Variants in POP1 observed in about 807,000 individuals in gnomAD.
POP1 encodes ribonucleases P/MRP protein subunit POP1.
Under a neutral mutation model 102.2 loss-of-function variants are expected in POP1, and 75 were observed. The observed-to-expected ratio is 0.73, with a 90% CI of 0.61 to 0.89. The LOEUF is 0.89. Ranked by LOEUF, POP1 falls within the 40% of genes least tolerant of loss-of-function variation. The pLI, the probability that POP1 is intolerant of heterozygous loss-of-function variation, is 0.00. For synonymous variants in POP1, 436 were observed against 464.1 expected, an observed-to-expected ratio of 0.94 and a Z score of 0.78; for missense variants, 1,116 against 1,267.4, an observed-to-expected ratio of 0.88 and a Z score of 1.81.
intron 1 of POP1, among the ~76,000 whole-genome samples, chr8:98,120,652 T>G (rs1815985572): frequency 6.8e-6 from 1 of 147,922 alleles, no homozygotes; most frequent in South Asian, 2.2e-4. Context: ...TTGTATTTTT[T>G]TTTTTTTTTC....
chr8:98,124,612 A>G (rs1047229399), intron 2 of POP1, among the ~76,000 whole-genome samples: 2 of 152,140 alleles, frequency 1.3e-5, no homozygotes, highest in African/African-American at 4.8e-5. Flanking sequence ...ATATGTATGT[A>G]TCCCCACTAG....
chr8:98,125,176 A>T (rs1816159234), intron 2 of POP1, among the ~76,000 whole-genome samples: 1 of 148,464 alleles, frequency 6.7e-6, no homozygotes. Flanking sequence ...TAATTTACAG[A>T]CAGTTTTTTT....
chr8:98,140,313 C>A (rs545019467), intron 10 of POP1, 124 bp downstream of exon 10: 4 of 764,086 alleles, frequency 5.2e-6, no homozygotes, highest in African/African-American at 5.1e-5. Flanking sequence ...AGCAAGAGAA[C>A]CAAGTAAGAG....
At position 98,134,648 on chromosome 8, in the gene POP1, A is replaced by G; in HGVS notation, c.1000A>G (p.Thr334Ala). 1.9e-6 allele frequency: 3 copies of G among 1,611,952 alleles called. No homozygotes were observed. The highest frequency in any genetic ancestry group is 2.5e-6 in the Non-Finnish European group (3 of 1,178,016). ...SRQLWIWLHP[T>A]LKQDILEEIK... ...GCAGCTGTGGATCTGGCTGCATCCA[A>G]CCCTTAAACAGGTATAATCCTTCAG... is the stretch of plus-strand genomic sequence containing the variant. Residue 334 changes from threonine to alanine, a missense_variant, in exon 7 of 16, where the codon ACC becomes GCC. Transcript: ENST00000401707.
chr8:98,142,262 A>G (rs1425315267), intron 11 of POP1, among the ~76,000 whole-genome samples: 3 of 152,112 alleles, frequency 2.0e-5, no homozygotes, highest in Non-Finnish European at 4.4e-5. Context: ...CTATCTTGAA[A>G]AACGTGATTT....
intron 11 of POP1, among the ~76,000 whole-genome samples, chr8:98,143,875 C>T (rs1816773946): frequency 8.5e-5 from 13 of 152,170 alleles, no homozygotes; most frequent in Admixed American, 8.5e-4. Flanking sequence ...CTATGTAGGC[C>T]AGGCATGGTG....
chr8:98,130,993 T>C (rs1816364374), intron 5 of POP1, among the ~76,000 whole-genome samples: 2 of 152,248 alleles, frequency 1.3e-5, no homozygotes, highest in Non-Finnish European at 2.9e-5. Flanking sequence ...AGGGCCTATC[T>C]TTCAGTGGCA....
intron 4 of POP1, among the ~76,000 whole-genome samples, chr8:98,129,141 C>A (rs937908993): frequency 1.3e-5 from 2 of 152,106 alleles, no homozygotes; most frequent in African/African-American, 4.8e-5. Context: ...AACTCTGACC[C>A]TCTTACCGAG....
intron 5 of POP1, among the ~76,000 whole-genome samples, chr8:98,131,646 A>G (rs1168192402): frequency 1.5e-5 from 2 of 134,176 alleles, no homozygotes; most frequent in Non-Finnish European, 3.3e-5. Context: ...TCATATGATA[A>G]TTCTATGTTA....
chr8:98,145,707 A>G (rs62522196), intron 11 of POP1, among the ~76,000 whole-genome samples: 12,646 of 152,178 alleles, frequency 0.083, 591 homozygotes, highest in Non-Finnish European at 0.11. Context: ...CGAGTTTAAG[A>G]CCAGCCTAGC....
intron 1 of POP1, among the ~76,000 whole-genome samples, chr8:98,121,965 G>A (rs1232343664): frequency 6.6e-6 from 1 of 151,882 alleles, no homozygotes; most frequent in Non-Finnish European, 1.5e-5. Flanking sequence ...AATTACAGGC[G>A]TGAGCCACCA....
At chr8:98,126,586 T>C (rs1039003143) in intron 2 of POP1, among the ~76,000 whole-genome samples, 11 of 152,152 alleles carry the variant, frequency 7.2e-5, no homozygotes, top group African/African-American at 9.7e-5. Flanking sequence ...AATACTTACA[T>C]GTGAGTAAGT....
At chr8:98,128,248 G>T (rs1816269805) in intron 3 of POP1, 117 bp from the exon 4 acceptor site, 2 of 930,770 alleles carry the variant, frequency 2.1e-6, no homozygotes. Flanking sequence ...TATGCTTTCT[G>T]GTCTCTCTTT....
At chr8:98,157,560 T>G in intron 15 of POP1, 57 bp from the exon 16 acceptor site, 2 of 1,572,236 alleles carry the variant, frequency 1.3e-6, no homozygotes, top group Non-Finnish European at 1.8e-6. Flanking sequence ...ATCTTCTGAT[T>G]GCATATTTTT....
At chr8:98,145,932 C>A (rs539862781) in intron 11 of POP1, among the ~76,000 whole-genome samples, 2 of 151,958 alleles carry the variant, frequency 1.3e-5, no homozygotes, top group African/African-American at 2.4e-5. Flanking sequence ...TGAAAAAATA[C>A]ATTTTACAGA....
intron 4 of POP1, among the ~76,000 whole-genome samples, chr8:98,128,746 T>C (rs895692643): frequency 2.6e-5 from 4 of 152,060 alleles, no homozygotes; most frequent in African/African-American, 9.7e-5. Context: ...TGGCCTAACC[T>C]TGTCTCTACA....
At chr8:98,155,716 G>T (rs544969848) in intron 14 of POP1, among the ~76,000 whole-genome samples, 2 of 151,880 alleles carry the variant, frequency 1.3e-5, no homozygotes, top group East Asian at 3.9e-4. Flanking sequence ...CAGTAGTTGG[G>T]ATTATAGGCA....
chr8:98,148,761 G>A, intron 12 of POP1, 54 bp from the exon 13 acceptor site: 1 of 1,498,908 alleles, frequency 6.7e-7, no homozygotes, highest in South Asian at 1.2e-5. Flanking sequence ...AGACCCAGGA[G>A]GATCTCCCAG....
rs752444602 is a variant in POP1, at chr8:98,140,924, A to G, written c.1594+36A>G. 12 of 1,607,380 alleles carry G rather than the reference A, an allele frequency of 7.5e-6. No individual in the cohort carries two copies. The East Asian group carries it at 1.8e-4, about 24-fold the overall frequency. On this transcript the variant is annotated intron_variant, in intron 11 of 15. Transcript: ENST00000401707. ...AAAAACACCCCAGGTTTTCCTTACT[A>G]TTTCGAGCAGTCCAGTCTTATTAGA...
Sources: allele counts gnomAD v4.1 joint callset (sites outside exome capture counted in the v4.1 genomes callset), GRCh38; gene constraint gnomAD v4.1.1; transcripts MANE v1.5; gene names NCBI Gene and HGNC (gene_info 2026-07-23, HGNC 2026-07-21).